ANKRD16: variants seen among roughly 807,000 people sequenced by gnomAD.
The protein encoded by ANKRD16 is ankyrin repeat domain 16, also known as ankyrin repeat domain-containing protein 16.
Under a neutral mutation model 37.9 loss-of-function variants are expected in ANKRD16, and 35 were observed. The observed-to-expected ratio is 0.92, with a 90% CI of 0.71 to 1.23. ANKRD16 has a LOEUF of 1.23. Among genes scored for constraint, ANKRD16 ranks in the 50% most tolerant of loss-of-function variants. The pLI is 0.00. For missense variants in ANKRD16, 480 were observed against 469.9 expected, an observed-to-expected ratio of 1.02 and a Z score of -0.20; for synonymous variants, 206 against 197.2, an observed-to-expected ratio of 1.04 and a Z score of -0.37.
intron 6 of ANKRD16, among the ~76,000 whole-genome samples, 153 bp downstream of exon 6, chr10:5,880,145 G>C (rs1030261587): frequency 1.6e-4 from 19 of 116,490 alleles, no homozygotes; most frequent in Middle Eastern, 9.1e-3. Context: ...GGGCAACAGA[G>C]GGAAACTCTT....
rs67091121 is a variant in ANKRD16, at chr10:5,861,874, A to G, written c.*851T>C. 0.049 allele frequency: 7,406 copies of G among 150,388 alleles called. 216 individuals are homozygous for G. Among genetic ancestry groups the G allele is most frequent in the Middle Eastern group, 0.069 (20 of 290 alleles). The allele number at this position is 150,388 out of a possible 1,614,324, so 9.3% of individuals were successfully genotyped here. ...TGATACTATCAACATGGCAGCTCACAGACTGGGCAGGCCCCAGGAATTCTT... is the reference window on the plus strand; with the variant it reads ...TGATACTATCAACATGGCAGCTCACGGACTGGGCAGGCCCCAGGAATTCTT... On this transcript the variant is annotated 3_prime_UTR_variant, in exon 8 of 8. Transcript: ENST00000380094.
rs557810448 is a variant in ANKRD16, at chr10:5,879,757, A to G, written c.928+541T>C. Among the ~76,000 whole-genome samples the G allele has an allele frequency of 2.7e-5, 4 of 149,268 alleles. No individual in the cohort carries two copies. In the East Asian group the frequency reaches 7.9e-4, roughly 29 times the overall value. The stretch of plus-strand genomic sequence containing the variant: ...GTTTAAAATAACAACAAAGATTAAC[A>G]ACAGCAGTTGTAATGAGTGGCAGTC... On this transcript the variant is annotated intron_variant, in intron 6 of 7. Transcript: ENST00000380094.
At chr10:5,888,559 T>C (rs185055317) in intron 1 of ANKRD16, among the ~76,000 whole-genome samples, 79 of 152,276 alleles carry the variant, frequency 5.2e-4, no homozygotes, top group African/African-American at 1.8e-3. Flanking sequence ...TCTCTGACTG[T>C]GGTGGTTATG....
rs1046849447 is a variant in ANKRD16, at chr10:5,866,142, C to T, written c.*34-3451G>A. On this transcript the variant is annotated intron_variant, in intron 7 of 7. Transcript: ENST00000380094. The surrounding 1 kb of genome is among the most constrained non-coding windows in gnomAD (Gnocchi z 4.3). ...AAGGAAGTTATGGCTATCAGACAAC[C>T]GCCTACCTAGATACCAGGCACTACT... is the stretch of plus-strand genomic sequence containing the variant. 2.0e-5 allele frequency among the ~76,000 whole-genome samples: 3 copies of T among 152,102 alleles called. No individual in the cohort carries two copies. The highest frequency in any genetic ancestry group is 1.9e-4 in the East Asian group (1 of 5,204).
chr10:5,888,089 T>G, intron 1 of ANKRD16, 22 bp from the exon 2 acceptor site: 2 of 1,609,448 alleles, frequency 1.2e-6, no homozygotes, highest in Non-Finnish European at 1.7e-6. Flanking sequence ...CAGGAGAAGC[T>G]GTCAGATGGA....
Position 5,865,368 on chromosome 10 carries a change from C to T in ANKRD16, c.*34-2677G>A, listed in dbSNP as rs540455621. Among the ~76,000 whole-genome samples the T allele has an allele frequency of 3.5e-4, 53 of 152,330 alleles. 1 individual carries two copies. The highest frequency in any genetic ancestry group is 1.0e-3 in the South Asian group (5 of 4,826). Reference sequence around the variant, plus strand: ...CAACCAGATGATCCAACAACAGGACCGAGGGTGCCCAGGGCAAGCGCCAGC... The same window carrying T: ...CAACCAGATGATCCAACAACAGGACTGAGGGTGCCCAGGGCAAGCGCCAGC... On this transcript the variant is annotated intron_variant, in intron 7 of 7. Transcript: ENST00000380094. This position sits in a 1 kb window ranked among gnomAD's most constrained non-coding sequence, Gnocchi z 4.7.
chr10:5,877,845 G>A (rs1167551204), intron 7 of ANKRD16, among the ~76,000 whole-genome samples: 1 of 152,186 alleles, frequency 6.6e-6, no homozygotes, highest in African/African-American at 2.4e-5. Context: ...GCCTGATCGC[G>A]CAAACGTTAT....
chr10:5,889,364 T>C lies in ANKRD16; in HGVS notation c.-10A>G. 1 of 1,212,598 alleles carries C rather than the reference T, an allele frequency of 8.2e-7. No individual in the cohort carries two copies. The highest frequency in any genetic ancestry group is 1.0e-6 in the Non-Finnish European group (1 of 977,780). 75.1% of individuals were successfully genotyped at this position (1,212,598 alleles called of 1,614,324 possible). ...CCCCGGGCTGGGCCATCGCCGCGGG[T>C]CGGGCCGGGCTGCGCGGGGAGGCGG... On this transcript the variant is annotated 5_prime_UTR_variant, in exon 1 of 8. Transcript: ENST00000380094.
At position 5,870,317 on chromosome 10, in the gene ANKRD16, C is replaced by T. The variant is rs979652741; in HGVS notation, c.*34-7626G>A. On this transcript the variant is annotated intron_variant, in intron 7 of 7. Transcript: ENST00000380094. This position sits in a 1 kb window ranked among gnomAD's most constrained non-coding sequence, Gnocchi z 5.0. ...AGCTTCGCAGGGGCCCCCAGTGCACCCGCACAGTGAGGTCAGCGTTGGCTC... is the reference window on the plus strand; with the variant it reads ...AGCTTCGCAGGGGCCCCCAGTGCACTCGCACAGTGAGGTCAGCGTTGGCTC... Among the ~76,000 whole-genome samples, 1 of 152,138 alleles carries T rather than the reference C, an allele frequency of 6.6e-6. No individual in the cohort carries two copies. The highest frequency in any genetic ancestry group is 6.5e-5 in the Admixed American group (1 of 15,268).
In ANKRD16 at chr10:5,882,924, G is replaced by C. The variant is rs138317380; in HGVS notation, c.849+82C>G. 2,545 of 1,487,144 alleles carry C rather than the reference G, an allele frequency of 1.7e-3. 4 individuals carry two copies. The highest frequency in any genetic ancestry group is 2.2e-3 in the Non-Finnish European group (2,421 of 1,102,416). 92.1% of individuals were successfully genotyped at this position (1,487,144 alleles called of 1,614,324 possible). The stretch of plus-strand genomic sequence containing the variant: ...TTTCTTCCATAGAGATGGGGTCAAA[G>C]AAACCAGGCTGCAGAGCTACTGATC... On this transcript the variant is annotated intron_variant, in intron 5 of 7. Coordinates refer to ENST00000380094, the MANE Select transcript of ANKRD16 (RefSeq NM_019046.3).
rs1001105345 is a variant in ANKRD16, at chr10:5,874,725, G to A, written c.*33+3372C>T. Among the ~76,000 whole-genome samples the A allele has an allele frequency of 6.6e-6, 1 of 152,084 alleles. No homozygotes were observed. The highest frequency in any genetic ancestry group is 2.4e-5 in the African/African-American group (1 of 41,426). ...GGCCTCAGAACATCCATGCAGAAAC[G>A]TAAGCAGGCAGTGGAAAGTAAGGGC... On this transcript the variant is annotated intron_variant, in intron 7 of 7. Coordinates refer to ENST00000380094, the MANE Select transcript of ANKRD16 (RefSeq NM_019046.3). This position sits in a 1 kb window ranked among gnomAD's most constrained non-coding sequence, Gnocchi z 4.7.
Position 5,868,944 on chromosome 10 carries a change from A to C in ANKRD16, c.*34-6253T>G, listed in dbSNP as rs192456236. 5.9e-5 allele frequency among the ~76,000 whole-genome samples: 9 copies of C among 152,324 alleles called. No individual in the cohort carries two copies. In the East Asian group the frequency reaches 1.5e-3, roughly 26 times the overall value. Reference sequence around the variant, plus strand: ...AGGAATAAATTCTGGACACAATACCACAAAAAGACAAAGAAAGCAAAGGTG... The same window carrying C: ...AGGAATAAATTCTGGACACAATACCCCAAAAAGACAAAGAAAGCAAAGGTG... On this transcript the variant is annotated intron_variant, in intron 7 of 7. Coordinates refer to ENST00000380094, the MANE Select transcript of ANKRD16 (RefSeq NM_019046.3). The surrounding 1 kb of genome is among the most constrained non-coding windows in gnomAD (Gnocchi z 4.9).
At chr10:5,887,362 G>A (rs1482723226) in intron 2 of ANKRD16, among the ~76,000 whole-genome samples, 1 of 144,932 alleles carries the variant, frequency 6.9e-6, no homozygotes, top group African/African-American at 2.6e-5. Flanking sequence ...TATGCCAAAA[G>A]GCCCCTAGAT....
In ANKRD16 at chr10:5,870,281, G is replaced by A. The variant is rs1318209854; in HGVS notation, c.*34-7590C>T. On this transcript the variant is annotated intron_variant, in intron 7 of 7. Coordinates refer to ENST00000380094, the MANE Select transcript of ANKRD16 (RefSeq NM_019046.3). The surrounding 1 kb of genome is among the most constrained non-coding windows in gnomAD (Gnocchi z 5.0). ...TCACGGAGGCCCCCAGTGCACCTGC[G>A]CAGTGAGGTCAGCTTCGCAGGGGCC... 2.6e-5 allele frequency among the ~76,000 whole-genome samples: 4 copies of A among 151,850 alleles called. No homozygotes were observed. The highest frequency in any genetic ancestry group is 2.1e-4 in the South Asian group (1 of 4,812).
Position 5,862,929 on chromosome 10 carries a change from A to G in ANKRD16, c.*34-238T>C, listed in dbSNP as rs1841962769. Among the ~76,000 whole-genome samples, 1 of 152,136 alleles carries G rather than the reference A, an allele frequency of 6.6e-6. No homozygotes were observed. Among genetic ancestry groups the G allele is most frequent in the South Asian group, 2.1e-4 (1 of 4,824 alleles). ...GTTTTGGGCATTTCCCCTGTACCAG[A>G]CACTGTGCTAAATGACCCTTCTGCT... On this transcript the variant is annotated intron_variant, in intron 7 of 7. Coordinates refer to ENST00000380094, the MANE Select transcript of ANKRD16 (RefSeq NM_019046.3). This position sits in a 1 kb window ranked among gnomAD's most constrained non-coding sequence, Gnocchi z 6.5.
At chr10:5,875,385 C>T (rs1310973531) in intron 7 of ANKRD16, among the ~76,000 whole-genome samples, 1 of 152,044 alleles carries the variant, frequency 6.6e-6, no homozygotes, top group Non-Finnish European at 1.5e-5. Context: ...AGCCTGCATA[C>T]CAGTCGGGGA....
intron 3 of ANKRD16, among the ~76,000 whole-genome samples, 184 bp downstream of exon 3, chr10:5,885,539 A>G (rs1842408663): frequency 6.6e-6 from 1 of 152,046 alleles, no homozygotes; most frequent in Non-Finnish European, 1.5e-5. Context: ...GCCGCTGAAA[A>G]CATTTTCCCC....
At chr10:5,888,879 T>C (rs1248947034) in intron 1 of ANKRD16, among the ~76,000 whole-genome samples, 162 bp downstream of exon 1, 1 of 152,194 alleles carries the variant, frequency 6.6e-6, no homozygotes, top group Non-Finnish European at 1.5e-5. Context: ...ATCTGCGTTA[T>C]AAGGGAAAGT....
chr10:5,889,171 T>C lies in ANKRD16; in HGVS notation c.184A>G (p.Met62Val), dbSNP rs116345232. ...TCTCGGTTGGTGGCCTCGATGTCCA[T>C]GCCCCAGGCCTCGGCCAGATAGGCC... is the stretch of plus-strand genomic sequence containing the variant. Reference protein sequence around the residue: ...VLAYLAEAWGMDIEATNRDYK... With the variant: ...VLAYLAEAWGVDIEATNRDYK... The change falls in exon 1 of 8, where the codon ATG becomes GTG. Residue 62 changes from methionine to valine, a missense_variant. Physicochemically the swap from Met to Val is conservative, Grantham distance 21. Transcript: ENST00000380094. 864 of 1,598,276 alleles carry C rather than the reference T, an allele frequency of 5.4e-4. 6 individuals are homozygous for C. In the African/African-American group the frequency reaches 0.01, roughly 19 times the overall value.
Sources: allele counts gnomAD v4.1 joint callset (sites outside exome capture counted in the v4.1 genomes callset), GRCh38; gene constraint gnomAD v4.1.1; non-coding constraint Gnocchi (gnomAD v3.1); transcripts MANE v1.5; gene names NCBI Gene and HGNC (gene_info 2026-07-23, HGNC 2026-07-21).